Variants in MTMR7 observed in about 807,000 individuals in gnomAD.
MTMR7 encodes the protein phosphatidylinositol-3-phosphate phosphatase MTMR7.
Under a neutral mutation model 81.2 loss-of-function variants are expected in MTMR7, and 76 were observed. The observed-to-expected ratio is 0.94, with a 90% CI of 0.78 to 1.13. The LOEUF (loss-of-function observed/expected upper bound fraction) is 1.13. MTMR7 is among the 50% of genes most tolerant of loss of function. The pLI is 0.00. For synonymous variants in MTMR7, 372 were observed against 289.8 expected, an observed-to-expected ratio of 1.28 and a Z score of -2.88; for missense variants, 1,044 against 820.0, an observed-to-expected ratio of 1.27 and a Z score of -3.34.
intron 7 of MTMR7, among the ~76,000 whole-genome samples, chr8:17,330,411 G>C (rs991047164): frequency 6.6e-6 from 1 of 152,182 alleles, no homozygotes; most frequent in Non-Finnish European, 1.5e-5. Context: ...TTCCCAGTTC[G>C]CAGAGCCGGA....
At chr8:17,407,633 T>A (rs1173877297) in intron 1 of MTMR7, among the ~76,000 whole-genome samples, 2 of 151,570 alleles carry the variant, frequency 1.3e-5, no homozygotes, top group African/African-American at 4.8e-5. Flanking sequence ...TCTAAAAGTA[T>A]GTTTTGAACA....
chr8:17,407,195 T>C (rs907548721), intron 1 of MTMR7, among the ~76,000 whole-genome samples: 5 of 151,872 alleles, frequency 3.3e-5, no homozygotes, highest in Non-Finnish European at 5.9e-5. Context: ...ATGGGGAAAA[T>C]ATAAATAGAT....
At chr8:17,359,371 G>A (rs1400527027) in intron 4 of MTMR7, among the ~76,000 whole-genome samples, 1 of 151,978 alleles carries the variant, frequency 6.6e-6, no homozygotes, top group Admixed American at 6.6e-5. Context: ...GCCAAGGGAG[G>A]AGGACTGCTT....
At chr8:17,402,447 CCT>C (rs1333429318) in intron 1 of MTMR7, among the ~76,000 whole-genome samples, 2 of 152,190 alleles carry the variant, frequency 1.3e-5, no homozygotes, top group African/African-American at 2.4e-5. Context: ...ATCCTTCTAC[CCT>C]CTGTCTCCAT....
chr8:17,325,576 G>A (rs776693250), intron 7 of MTMR7, among the ~76,000 whole-genome samples: 2 of 152,170 alleles, frequency 1.3e-5, no homozygotes, highest in Non-Finnish European at 1.5e-5. Flanking sequence ...TCGCCCACAT[G>A]CCTGAGCTGA....
At chr8:17,370,553 C>CA (rs5889712) in intron 3 of MTMR7, among the ~76,000 whole-genome samples, 951 of 30,834 alleles carry the variant, frequency 0.031, 70 homozygotes, top group Middle Eastern at 0.056. Context: ...AAAAGTGCCT[C>CA]AAAAAAAAAA....
At chr8:17,337,942 G>C (rs1819299321) in intron 6 of MTMR7, among the ~76,000 whole-genome samples, 1 of 152,194 alleles carries the variant, frequency 6.6e-6, no homozygotes, top group South Asian at 2.1e-4. Flanking sequence ...GAACGATTCA[G>C]GTCAGCTCCT....
chr8:17,411,701 G>A (rs1821738838), intron 1 of MTMR7, among the ~76,000 whole-genome samples: 1 of 152,044 alleles, frequency 6.6e-6, no homozygotes, highest in Non-Finnish European at 1.5e-5. Context: ...TGCTTAGAGG[G>A]TATCCATAAA....
In MTMR7 at chr8:17,320,625, T is replaced by C. The variant is rs561479891; in HGVS notation, c.866-7224A>G. Among the ~76,000 whole-genome samples, 77 of 152,272 alleles carry C rather than the reference T, an allele frequency of 5.1e-4. No homozygotes were observed. In the South Asian group the frequency reaches 6.2e-3, roughly 12 times the overall value. ...TGAATTCAGGGGTGCATGGACCCAATTGGAAGACAGCACAATCTGATGCAA... is the reference window on the plus strand; with the variant it reads ...TGAATTCAGGGGTGCATGGACCCAACTGGAAGACAGCACAATCTGATGCAA... On this transcript the variant is annotated intron_variant, in intron 7 of 13. Transcript: ENST00000180173.
At chr8:17,396,967 C>G (rs976584389) in intron 1 of MTMR7, among the ~76,000 whole-genome samples, 2 of 151,962 alleles carry the variant, frequency 1.3e-5, no homozygotes, top group Non-Finnish European at 2.9e-5. Context: ...CTAGACACAC[C>G]TTGGGACAGA....
chr8:17,390,067 A>G (rs1821056873), intron 1 of MTMR7, among the ~76,000 whole-genome samples: 1 of 78,182 alleles, frequency 1.3e-5, no homozygotes, highest in South Asian at 1.0e-3. Context: ...GAAACAGGGA[A>G]TATGTTAAAA....
At chr8:17,358,374 G>T (rs1317839224) in intron 4 of MTMR7, among the ~76,000 whole-genome samples, 2 of 152,154 alleles carry the variant, frequency 1.3e-5, no homozygotes, top group Non-Finnish European at 2.9e-5. Flanking sequence ...ATCATTACGT[G>T]CTAAGCAGAG....
chr8:17,348,467 T>C (rs994010301), intron 5 of MTMR7, among the ~76,000 whole-genome samples: 1 of 150,684 alleles, frequency 6.6e-6, no homozygotes, highest in Non-Finnish European at 1.5e-5. Context: ...GGAGAATTGC[T>C]TGAACCTGGG....
chr8:17,376,708 C>A (rs1820600661), intron 1 of MTMR7, among the ~76,000 whole-genome samples: 1 of 152,014 alleles, frequency 6.6e-6, no homozygotes, highest in South Asian at 2.1e-4. Flanking sequence ...TTATGTGCAC[C>A]CATTTTTAAT....
chr8:17,371,213 T>C lies in MTMR7; in HGVS notation c.148-14A>G, dbSNP rs1820411366. 1.9e-6 allele frequency: 3 copies of C among 1,613,286 alleles called. No homozygotes were observed. The highest frequency in any genetic ancestry group is 2.5e-6 in the Non-Finnish European group (3 of 1,179,554). ...ACTGTGAAGAATCTAGAACCAAATG[T>C]TAATGTGCATAAGCTAAGCACAAAT... On this transcript the variant is annotated splice_polypyrimidine_tract_variant and intron_variant, in intron 2 of 13. Transcript: ENST00000180173.
chr8:17,374,388 C>T (rs779212579), intron 1 of MTMR7, among the ~76,000 whole-genome samples: 30 of 150,896 alleles, frequency 2.0e-4, no homozygotes, highest in Non-Finnish European at 4.3e-4. Context: ...TTTGGGAGGC[C>T]GAGGCAGGTG....
intron 9 of MTMR7, 96 bp from the exon 10 acceptor site, chr8:17,309,422 G>T (rs1363543839): frequency 1.2e-6 from 1 of 839,178 alleles, no homozygotes; most frequent in Non-Finnish European, 2.0e-6. Context: ...GGCACTTGCA[G>T]AAGTCCCCAT....
chr8:17,321,667 C>G (rs1430927669), intron 7 of MTMR7, among the ~76,000 whole-genome samples: 1 of 152,162 alleles, frequency 6.6e-6, no homozygotes, highest in Non-Finnish European at 1.5e-5. Flanking sequence ...TTTGTTCACT[C>G]TTGTTGCCAA....
rs562210026 is a variant in MTMR7 at position 17,337,820 on chromosome 8, C to T, written c.732+3543G>A. On this transcript the variant is annotated intron_variant, in intron 6 of 13. Transcript: ENST00000180173. Reference sequence around the variant, plus strand: ...TTTTGTAGAGATGGGGGTCTCACTACGTTGCCCAGGCTGGTGTCTCCCAAA... The same window carrying T: ...TTTTGTAGAGATGGGGGTCTCACTATGTTGCCCAGGCTGGTGTCTCCCAAA... Among the ~76,000 whole-genome samples, 17 of 152,244 alleles carry T rather than the reference C, an allele frequency of 1.1e-4. No individual in the cohort carries two copies. In the South Asian group the frequency reaches 2.1e-3, roughly 19 times the overall value.
Sources: allele counts gnomAD v4.1 joint callset (sites outside exome capture counted in the v4.1 genomes callset), GRCh38; gene constraint gnomAD v4.1.1; transcripts MANE v1.5; gene names NCBI Gene and HGNC (gene_info 2026-07-23, HGNC 2026-07-21).